The following EYS variants were observed in gnomAD, a reference collection of about 807,000 sequenced individuals.
EYS encodes EGF-like photoreceptor maintenance factor.
EYS carries 250 observed loss-of-function variants against 282.1 expected under a neutral mutation model. The observed-to-expected ratio is 0.89, with a 90% CI of 0.80 to 0.98. The LOEUF (loss-of-function observed/expected upper bound fraction) is 0.98, where lower values mean the gene tolerates loss of function less well. EYS is among the 50% of genes least tolerant of loss of function. EYS has a pLI of 0.00. For synonymous variants in EYS, 1,355 were observed against 1,282.9 expected, an observed-to-expected ratio of 1.06 and a Z score of -1.20; for missense variants, 4,016 against 3,709.0, an observed-to-expected ratio of 1.08 and a Z score of -2.15.
intron 14 of EYS, among the ~76,000 whole-genome samples, chr6:64,970,754 A>G (rs1056923947): frequency 6.6e-6 from 1 of 152,186 alleles, no homozygotes; most frequent in Non-Finnish European, 1.5e-5. Context: ...GTGCTCCCAA[A>G]GAGCAGAGAA....
intron 12 of EYS, among the ~76,000 whole-genome samples, chr6:65,200,800 C>G (rs1765881612): frequency 6.6e-6 from 1 of 151,902 alleles, no homozygotes; most frequent in Non-Finnish European, 1.5e-5. Context: ...GCTTCCTGTT[C>G]ATATCTGCAT....
At chr6:65,684,908 G>A (rs1428706496) in intron 1 of EYS, among the ~76,000 whole-genome samples, 1 of 151,722 alleles carries the variant, frequency 6.6e-6, no homozygotes, top group African/African-American at 2.4e-5. Flanking sequence ...CCACCCTCAA[G>A]TGGGCCCCGG....
At chr6:65,057,577 T>C in intron 13 of EYS, 37 bp downstream of exon 13, 3 of 1,245,562 alleles carry the variant, frequency 2.4e-6, no homozygotes, top group African/African-American at 1.5e-5. Context: ...TTAAAGTTAA[T>C]TATGTTTGCT....
intron 22 of EYS, among the ~76,000 whole-genome samples, chr6:64,712,423 T>C (rs982480582): frequency 6.6e-6 from 1 of 152,122 alleles, no homozygotes; most frequent in Non-Finnish European, 1.5e-5. Context: ...GTGAGGATCC[T>C]GGTGATGTTA....
intron 22 of EYS, among the ~76,000 whole-genome samples, chr6:64,779,201 AG>A: frequency 6.6e-6 from 1 of 152,204 alleles, no homozygotes; most frequent in Non-Finnish European, 1.5e-5. Flanking sequence ...AAATATGTAT[AG>A]CAGGTTTGTT....
At chr6:64,912,764 T>G in intron 15 of EYS, 21 bp from the exon 16 acceptor site, 1 of 1,319,408 alleles carries the variant, frequency 7.6e-7, no homozygotes, top group Non-Finnish European at 9.8e-7. Flanking sequence ...ATATTAAAAT[T>G]TTTAGAAGTG....
chr6:64,427,926 G>A (rs1415185039), intron 28 of EYS, among the ~76,000 whole-genome samples: 1 of 152,088 alleles, frequency 6.6e-6, no homozygotes, highest in Non-Finnish European at 1.5e-5. Flanking sequence ...TTTCTCAAAA[G>A]TGAGTTTACC....
At chr6:64,000,168 C>CCTT (rs1768014947) in intron 33 of EYS, among the ~76,000 whole-genome samples, 12 of 42,734 alleles carry the variant, frequency 2.8e-4, no homozygotes, top group African/African-American at 1.1e-3. Context: ...AGACATGGGA[C>CCTT]TTTTTTTTTT....
Position 63,819,785 on chromosome 6 carries a change from G to A in EYS, c.7229-13413C>T, listed in dbSNP as rs79228315. ...ATGAACTCCCTCAAAAGAAATGGTAGAAGAACCATGACTAGTAGGGAAAGA... is the reference window on the plus strand; with the variant it reads ...ATGAACTCCCTCAAAAGAAATGGTAAAAGAACCATGACTAGTAGGGAAAGA... On this transcript the variant is annotated intron_variant, in intron 36 of 42. Transcript: ENST00000503581. 2.4e-3 allele frequency among the ~76,000 whole-genome samples: 360 copies of A among 152,230 alleles called. 4 individuals are homozygous for A. Among genetic ancestry groups the A allele is most frequent in the Admixed American group, 0.02 (308 of 15,292 alleles).
chr6:65,272,547 A>C (rs1404637378), intron 12 of EYS, among the ~76,000 whole-genome samples: 1 of 151,842 alleles, frequency 6.6e-6, no homozygotes, highest in Non-Finnish European at 1.5e-5. Flanking sequence ...AATTCCAAAA[A>C]CCCCAGAACC....
intron 10 of EYS, among the ~76,000 whole-genome samples, chr6:65,341,771 T>C (rs1356233533): frequency 6.6e-6 from 1 of 151,292 alleles, no homozygotes; most frequent in Non-Finnish European, 1.5e-5. Context: ...AACTTTGCAA[T>C]CATAATTTTA....
At chr6:65,106,583 T>C (rs1775045047) in intron 12 of EYS, among the ~76,000 whole-genome samples, 1 of 152,090 alleles carries the variant, frequency 6.6e-6, no homozygotes, top group Non-Finnish European at 1.5e-5. Flanking sequence ...CTCTTGTTTA[T>C]CTGTTATGTT....
chr6:64,319,622 T>C (rs1181707950), intron 29 of EYS, among the ~76,000 whole-genome samples: 1 of 151,838 alleles, frequency 6.6e-6, no homozygotes, highest in East Asian at 1.9e-4. Context: ...GAGAAAAATT[T>C]CTGAAGATAT....
rs928468406 is a variant in EYS at position 63,966,730 on chromosome 6, C to G, written c.7055+17653G>C. 7.2e-5 allele frequency among the ~76,000 whole-genome samples: 11 copies of G among 152,184 alleles called. 1 individual carries two copies. Among genetic ancestry groups the G allele is most frequent in the African/African-American group, 2.7e-4 (11 of 41,460 alleles). On this transcript the variant is annotated intron_variant, in intron 35 of 42. Transcript: ENST00000503581. ...ATTTATACAATGGAGATAACCATAG[C>G]TTGAACCACATAGCATTGTTACAAG... is the stretch of plus-strand genomic sequence containing the variant.
At position 64,401,525 on chromosome 6, in the gene EYS, C is replaced by T. The variant is rs115507877; in HGVS notation, c.5928-12685G>A. Among the ~76,000 whole-genome samples, 1,257 of 151,914 alleles carry T rather than the reference C, an allele frequency of 8.3e-3. 13 individuals are homozygous for T. Among genetic ancestry groups the T allele is most frequent in the African/African-American group, 0.029 (1,193 of 41,448 alleles). On this transcript the variant is annotated intron_variant, in intron 28 of 42. Transcript: ENST00000503581. ...AACTTAGATTTTTGATGAAGACACA[C>T]TTTTTTTATTGATACATGATACTTG... is the stretch of plus-strand genomic sequence containing the variant.
rs892657143 is a variant in EYS, at chr6:64,591,677, G to T, written c.4190C>A (p.Ser1397Tyr). ...AGGAAAAATAAAATCTGACATTAAGGAAGACATGATAAATGGGGTCCTTGC... is the reference window on the plus strand; with the variant it reads ...AGGAAAAATAAAATCTGACATTAAGTAAGACATGATAAATGGGGTCCTTGC... Reference protein sequence around the residue: ...RRARTPFIMSSLMSDFIFPTQ... With the variant: ...RRARTPFIMSYLMSDFIFPTQ... The change falls in exon 26 of 43, where the codon TCC (serine) becomes TAC (tyrosine). Residue 1397 changes from serine to tyrosine, a missense_variant. By Grantham distance (144) the Ser-to-Tyr change is moderately radical. Transcript: ENST00000503581. The T allele has an allele frequency of 5.8e-6, 9 of 1,551,144 alleles. No individual in the cohort carries two copies. Among genetic ancestry groups the T allele is most frequent in the Admixed American group, 3.9e-5 (2 of 50,946 alleles).
At chr6:63,763,654 T>C (rs1582183481) in intron 40 of EYS, among the ~76,000 whole-genome samples, 1 of 151,736 alleles carries the variant, frequency 6.6e-6, no homozygotes, top group East Asian at 2.0e-4. Flanking sequence ...GCCACCATGT[T>C]AGGAAGGACA....
chr6:63,765,120 A>G (rs892164165), intron 40 of EYS, among the ~76,000 whole-genome samples: 1 of 152,052 alleles, frequency 6.6e-6, no homozygotes, highest in African/African-American at 2.4e-5. Context: ...AAAACAAAAC[A>G]GAGGTAGGTA....
chr6:63,935,604 G>C (rs1182116817), intron 35 of EYS, among the ~76,000 whole-genome samples: 1 of 152,144 alleles, frequency 6.6e-6, no homozygotes, highest in Non-Finnish European at 1.5e-5. Flanking sequence ...ATAGAGGAAA[G>C]GCCACGTGAG....
Sources: allele counts gnomAD v4.1 joint callset (sites outside exome capture counted in the v4.1 genomes callset), GRCh38; gene constraint gnomAD v4.1.1; transcripts MANE v1.5; gene names NCBI Gene and HGNC (gene_info 2026-07-23, HGNC 2026-07-21).